TTC39C: variants seen among roughly 807,000 people sequenced by gnomAD.
The protein encoded by TTC39C is tetratricopeptide repeat domain 39C, also known as tetratricopeptide repeat protein 39C.
TTC39C carries 33 observed loss-of-function variants against 76.3 expected under a neutral mutation model. That is an observed-to-expected ratio of 0.43 (90% CI 0.33 to 0.58). The LOEUF is 0.58. Ranked by LOEUF, TTC39C falls within the 20% of genes least tolerant of loss-of-function variation. The probability of loss-of-function intolerance (pLI) is 0.04; values close to 1 mark genes in which losing one functional copy is unlikely to be tolerated. For missense variants in TTC39C, 595 were observed against 701.4 expected, an observed-to-expected ratio of 0.85 and a Z score of 1.71; for synonymous variants, 254 against 260.6, an observed-to-expected ratio of 0.97 and a Z score of 0.24.
intron 6 of TTC39C, among the ~76,000 whole-genome samples, chr18:24,111,884 AGAGC>A (rs2084816799): frequency 1.3e-5 from 2 of 150,540 alleles, no homozygotes; most frequent in African/African-American, 4.9e-5. Flanking sequence ...CATGGGAGAC[AGAGC>A]AAGACCCTAT....
chr18:24,021,182 A>C (rs1285095206), intron 1 of TTC39C, among the ~76,000 whole-genome samples: 1 of 152,182 alleles, frequency 6.6e-6, no homozygotes, highest in Non-Finnish European at 1.5e-5. Context: ...TGTGTGGCAA[A>C]GATGAATTGA....
chr18:24,054,540 C>T (rs1460153701), intron 1 of TTC39C, among the ~76,000 whole-genome samples: 3 of 152,102 alleles, frequency 2.0e-5, no homozygotes, highest in African/African-American at 7.2e-5. Context: ...TGAAGAAGAC[C>T]CCCTTGATCT....
intron 1 of TTC39C, among the ~76,000 whole-genome samples, chr18:24,001,394 A>G (rs2083309390): frequency 6.6e-6 from 1 of 152,190 alleles, no homozygotes; most frequent in Non-Finnish European, 1.5e-5. Flanking sequence ...CCTTGATTCT[A>G]GATATTCGCT....
intron 1 of TTC39C, among the ~76,000 whole-genome samples, chr18:24,061,693 A>G (rs1208808348): frequency 6.6e-6 from 1 of 151,644 alleles, no homozygotes; most frequent in Non-Finnish European, 1.5e-5. Flanking sequence ...CACTTGAGGA[A>G]GGAGCTCGAG....
chr18:24,017,818 A>G (rs2083472142), intron 1 of TTC39C, among the ~76,000 whole-genome samples: 1 of 152,238 alleles, frequency 6.6e-6, no homozygotes, highest in Admixed American at 6.5e-5. Context: ...TTCCTCTACT[A>G]GTAAACCTTC....
chr18:24,056,208 T>G (rs2084014314), intron 1 of TTC39C, among the ~76,000 whole-genome samples: 1 of 152,092 alleles, frequency 6.6e-6, no homozygotes, highest in Admixed American at 6.6e-5. Context: ...TACATGCAGT[T>G]TTTTCTTCAA....
At chr18:24,116,176 G>C (rs369793614) in intron 7 of TTC39C, among the ~76,000 whole-genome samples, 4 of 152,276 alleles carry the variant, frequency 2.6e-5, no homozygotes, top group African/African-American at 9.6e-5. Context: ...ACTTATTCCT[G>C]AGTCAGTGCT....
chr18:23,995,141 A>G (rs1183187100), intron 1 of TTC39C, among the ~76,000 whole-genome samples: 1 of 152,080 alleles, frequency 6.6e-6, no homozygotes. Context: ...ACAAACACTA[A>G]TCCCGATAAT....
chr18:24,031,662 G>C (rs1450511880), intron 1 of TTC39C, among the ~76,000 whole-genome samples: 1 of 152,136 alleles, frequency 6.6e-6, no homozygotes, highest in Non-Finnish European at 1.5e-5. Flanking sequence ...CACTGGCTCA[G>C]CTGGCTGCCT....
intron 8 of TTC39C, among the ~76,000 whole-genome samples, chr18:24,119,443 C>A (rs1443649233): frequency 6.6e-6 from 1 of 152,202 alleles, no homozygotes; most frequent in African/African-American, 2.4e-5. Context: ...CTTCCACTTC[C>A]ATTCTGCCCT....
chr18:24,058,214 T>C (rs1028174838), intron 1 of TTC39C, among the ~76,000 whole-genome samples: 1 of 152,310 alleles, frequency 6.6e-6, no homozygotes, highest in Admixed American at 6.5e-5. Context: ...TTGTGTACTA[T>C]GCTTATTACC....
chr18:24,025,071 G>GT (rs2083582660), intron 1 of TTC39C, among the ~76,000 whole-genome samples: 1 of 152,180 alleles, frequency 6.6e-6, no homozygotes, highest in Non-Finnish European at 1.5e-5. Context: ...GTTCTGCCAT[G>GT]TTAGCTAGGC....
intron 1 of TTC39C, among the ~76,000 whole-genome samples, chr18:24,001,921 G>C (rs2083316230): frequency 6.8e-6 from 1 of 146,240 alleles, no homozygotes; most frequent in Non-Finnish European, 1.5e-5. Context: ...CGCCTCCCGG[G>C]TTCACGCCAT....
chr18:24,087,313 CTCTT>C (rs765270580), intron 6 of TTC39C, among the ~76,000 whole-genome samples: 16 of 152,290 alleles, frequency 1.1e-4, no homozygotes, highest in Admixed American at 2.6e-4. Context: ...GTTGTCTCTG[CTCTT>C]TCTTCTTTAA....
intron 6 of TTC39C, among the ~76,000 whole-genome samples, chr18:24,105,215 A>C (rs1157812257): frequency 6.6e-6 from 1 of 152,212 alleles, no homozygotes; most frequent in Non-Finnish European, 1.5e-5. Flanking sequence ...TCAGGAAATA[A>C]GATATACACA....
At chr18:24,125,357 T>A in intron 9 of TTC39C, 70 bp from the exon 10 acceptor site, 1 of 1,586,280 alleles carries the variant, frequency 6.3e-7, no homozygotes, top group Non-Finnish European at 8.6e-7. Flanking sequence ...GCTTTTAAAG[T>A]GTCTGAGGTA....
chr18:24,014,036 G>A (rs2083414052), upstream of TTC39C, among the ~76,000 whole-genome samples: 1 of 152,256 alleles, frequency 6.6e-6, no homozygotes, highest in Non-Finnish European at 1.5e-5. Context: ...GTGGCGGGCT[G>A]GAGTGGGTGG....
At chr18:24,057,716 C>G (rs1263495475) in intron 1 of TTC39C, among the ~76,000 whole-genome samples, 3 of 152,138 alleles carry the variant, frequency 2.0e-5, no homozygotes, top group South Asian at 2.1e-4. Flanking sequence ...GTATGAATAA[C>G]ACTGCTATTA....
intron 1 of TTC39C, among the ~76,000 whole-genome samples, chr18:24,045,152 T>C (rs2145698474): frequency 6.6e-6 from 1 of 151,824 alleles, no homozygotes; most frequent in South Asian, 2.1e-4. Flanking sequence ...GCCTGTAGTC[T>C]CAGCTATTTG....
Sources: allele counts gnomAD v4.1 joint callset (sites outside exome capture counted in the v4.1 genomes callset), GRCh38; gene constraint gnomAD v4.1.1; transcripts MANE v1.5; gene names NCBI Gene and HGNC (gene_info 2026-07-23, HGNC 2026-07-21).